Variants in DAB1 observed in about 807,000 individuals in gnomAD.
The protein encoded by DAB1 is DAB adaptor protein 1.
In DAB1, 15 loss-of-function variants were observed where a neutral mutation model predicts 64.6. The observed-to-expected ratio is 0.23, with a 90% confidence interval of 0.16 to 0.36. The LOEUF (loss-of-function observed/expected upper bound fraction) is 0.36, where lower values mean the gene tolerates loss of function less well. DAB1 is among the 10% of genes least tolerant of loss of function. The pLI is 1.00. For synonymous variants in DAB1, 235 were observed against 251.9 expected (o/e 0.93, Z 0.64); for missense variants, 596 against 706.7 (o/e 0.84, Z 1.78).
intron 5 of DAB1, among the ~76,000 whole-genome samples, chr1:57,952,918 T>C (rs1265278406): frequency 1.3e-5 from 2 of 152,146 alleles, no homozygotes; most frequent in East Asian, 3.9e-4. Context: ...TTGCAAGCTC[T>C]GACTTGCACC....
At chr1:58,043,658 C>A (rs1198308563) in intron 5 of DAB1, among the ~76,000 whole-genome samples, 1 of 152,184 alleles carries the variant, frequency 6.6e-6, no homozygotes, top group Non-Finnish European at 1.5e-5. Flanking sequence ...CTTTTCTCAT[C>A]TATAAAATGA....
At chr1:58,375,166 C>T (rs1359816277) in intron 3 of DAB1, among the ~76,000 whole-genome samples, 1 of 149,738 alleles carries the variant, frequency 6.7e-6, no homozygotes, top group East Asian at 1.9e-4. Context: ...ATTGAATACC[C>T]TTTATTTCCT....
intron 9 of DAB1, among the ~76,000 whole-genome samples, chr1:57,046,769 C>T (rs775518491): frequency 3.1e-4 from 47 of 152,208 alleles, no homozygotes; most frequent in Non-Finnish European, 5.9e-4. Context: ...ACCAAAGGAG[C>T]AAGCATGCAT....
At chr1:58,329,026 G>C (rs1662912249) in intron 4 of DAB1, among the ~76,000 whole-genome samples, 1 of 152,102 alleles carries the variant, frequency 6.6e-6, no homozygotes, top group Non-Finnish European at 1.5e-5. Context: ...TATGTGCTTG[G>C]TTGTTCATGC....
At chr1:57,351,320 A>G (rs1678574142) in intron 1 of DAB1, among the ~76,000 whole-genome samples, 1 of 152,112 alleles carries the variant, frequency 6.6e-6, no homozygotes, top group Non-Finnish European at 1.5e-5. Flanking sequence ...GCACAAGTCC[A>G]AGAGGAGACA....
intron 2 of DAB1, among the ~76,000 whole-genome samples, chr1:57,186,479 C>A (rs1484781436): frequency 6.6e-6 from 1 of 152,182 alleles, no homozygotes; most frequent in African/African-American, 2.4e-5. Flanking sequence ...TCATGTGAAT[C>A]AGGTTTTACA....
rs997128334 is a variant in DAB1 at position 57,201,977 on chromosome 1, T to C, written c.68-56548A>G. ...AAACAGGTGGAGGAACAGGAAAGTATTCAAGTTTCCATCATCAGAAGTTCA... is the reference window on the plus strand; with the variant it reads ...AAACAGGTGGAGGAACAGGAAAGTACTCAAGTTTCCATCATCAGAAGTTCA... On this transcript the variant is annotated intron_variant, in intron 2 of 14. Transcript: ENST00000371236. 2.0e-5 allele frequency among the ~76,000 whole-genome samples: 3 copies of C among 152,304 alleles called. No homozygotes were observed. In the East Asian group the frequency reaches 5.8e-4, roughly 29 times the overall value.
intron 6 of DAB1, among the ~76,000 whole-genome samples, chr1:57,741,532 C>G (rs1177516635): frequency 6.6e-6 from 1 of 152,210 alleles, no homozygotes; most frequent in Non-Finnish European, 1.5e-5. Flanking sequence ...GATTTAAATT[C>G]TGTTCCATGA....
intron 5 of DAB1, among the ~76,000 whole-genome samples, chr1:57,958,023 T>G (rs897479624): frequency 1.3e-5 from 2 of 151,990 alleles, no homozygotes; most frequent in African/African-American, 4.8e-5. Context: ...CTAACTTTGT[T>G]GCCCAGGCTG....
At chr1:57,230,632 T>C (rs1334384268) in intron 2 of DAB1, among the ~76,000 whole-genome samples, 3 of 151,510 alleles carry the variant, frequency 2.0e-5, no homozygotes, top group African/African-American at 7.3e-5. Context: ...TATTTTTTAT[T>C]GATATGTCAT....
At chr1:57,594,610 C>A (rs923242121) in intron 7 of DAB1, among the ~76,000 whole-genome samples, 1 of 152,190 alleles carries the variant, frequency 6.6e-6, no homozygotes, top group Non-Finnish European at 1.5e-5. Context: ...ATCCTAAGCT[C>A]AATGCTATTT....
At chr1:57,566,059 A>C (rs921703894) in intron 7 of DAB1, among the ~76,000 whole-genome samples, 3 of 152,198 alleles carry the variant, frequency 2.0e-5, no homozygotes, top group African/African-American at 7.2e-5. Context: ...AAAGAACAGA[A>C]ATTGTAACAA....
intron 4 of DAB1, among the ~76,000 whole-genome samples, chr1:57,135,121 A>G (rs1241283223): frequency 6.6e-6 from 1 of 152,188 alleles, no homozygotes; most frequent in Non-Finnish European, 1.5e-5. Flanking sequence ...ACAATTTACC[A>G]TTTTAACTAT....
At chr1:57,058,365 T>C (rs1191692272) in intron 9 of DAB1, among the ~76,000 whole-genome samples, 1 of 152,230 alleles carries the variant, frequency 6.6e-6, no homozygotes, top group Non-Finnish European at 1.5e-5. Flanking sequence ...AAGAACTTAA[T>C]GGACAATAGA....
chr1:57,686,507 A>C lies in DAB1; in HGVS notation n.552-36842T>G, dbSNP rs566595848. On this transcript the variant is annotated intron_variant and non_coding_transcript_variant, in intron 6 of 20. Transcript: ENST00000485760. ...AACCGGTGCCAATCCTACTGAAACT[A>C]TTCTAAAAACTCAAGGAGGAGGGGC... 7.6e-4 allele frequency among the ~76,000 whole-genome samples: 115 copies of C among 152,306 alleles called. 2 individuals are homozygous for C. The South Asian group carries it at 0.024, about 31-fold the overall frequency.
intron 4 of DAB1, among the ~76,000 whole-genome samples, chr1:57,133,313 T>C (rs980601594): frequency 6.6e-6 from 1 of 152,168 alleles, no homozygotes; most frequent in African/African-American, 2.4e-5. Flanking sequence ...TGGATTAACA[T>C]GGTGAATGGA....
At chr1:57,235,150 T>A (rs910508907) in intron 2 of DAB1, among the ~76,000 whole-genome samples, 4 of 152,236 alleles carry the variant, frequency 2.6e-5, no homozygotes, top group African/African-American at 9.6e-5. Flanking sequence ...CACAGAGTTA[T>A]GTCCAACAAA....
chr1:58,381,148 G>C (rs1457061116), intron 3 of DAB1, among the ~76,000 whole-genome samples: 1 of 152,194 alleles, frequency 6.6e-6, no homozygotes, highest in African/African-American at 2.4e-5. Context: ...CTGTCTCAGG[G>C]GGAAAAGTGG....
intron 1 of DAB1, among the ~76,000 whole-genome samples, chr1:57,313,569 A>G (rs914547699): frequency 2.0e-5 from 3 of 152,142 alleles, no homozygotes; most frequent in African/African-American, 7.2e-5. Context: ...TAGTTTCCAT[A>G]ATAAAAAAGT....
Sources: allele counts gnomAD v4.1 joint callset (sites outside exome capture counted in the v4.1 genomes callset), GRCh38; gene constraint gnomAD v4.1.1; transcripts MANE v1.5; gene names NCBI Gene and HGNC (gene_info 2026-07-23, HGNC 2026-07-21).